TENM4: variants seen among roughly 807,000 people sequenced by gnomAD.
The protein encoded by TENM4 is teneurin-4.
In TENM4, 82 loss-of-function variants were observed where a neutral mutation model predicts 243.3. The ratio of observed to expected loss-of-function variants is 0.34; its 90% CI spans 0.28 to 0.40. The LOEUF is 0.40. Among genes scored for constraint, TENM4 ranks in the 10% least tolerant of loss-of-function variants. TENM4 has a pLI of 1.00. For missense variants in TENM4, 3,138 were observed against 3,673.3 expected, an observed-to-expected ratio of 0.85 and a Z score of 3.77; for synonymous variants, 1,412 against 1,456.3, an observed-to-expected ratio of 0.97 and a Z score of 0.69.
At chr11:79,086,734 T>C (rs191138003) in intron 4 of TENM4, among the ~76,000 whole-genome samples, 178 of 148,742 alleles carry the variant, frequency 1.2e-3, no homozygotes, top group African/African-American at 4.3e-3. Flanking sequence ...CTTGGGAAGC[T>C]GAGGCAGTGG....
At chr11:78,847,274 T>C (rs1230286865) in intron 12 of TENM4, among the ~76,000 whole-genome samples, 2 of 152,210 alleles carry the variant, frequency 1.3e-5, no homozygotes, top group Admixed American at 1.3e-4. Flanking sequence ...GCTTGGTTCC[T>C]GCAGTGTCCT....
chr11:79,042,322 G>A (rs1173495628), intron 6 of TENM4, among the ~76,000 whole-genome samples: 1 of 152,124 alleles, frequency 6.6e-6, no homozygotes, highest in Non-Finnish European at 1.5e-5. Flanking sequence ...ACCCTGCTAT[G>A]GTCTGAATTT....
Position 79,359,875 on chromosome 11 carries a change from G to A in TENM4, c.-320-62332C>T, listed in dbSNP as rs534338370. ...GGCCAGACAGGGATGCTCAGGACCC[G>A]AAGCAGAGGCAGGAAGCTCTGTCAA... On this transcript the variant is annotated intron_variant, in intron 1 of 33. Transcript: ENST00000278550. Among the ~76,000 whole-genome samples the A allele has an allele frequency of 3.8e-4, 58 of 152,274 alleles. 1 individual carries two copies. In the South Asian group the frequency reaches 6.8e-3, roughly 18 times the overall value.
rs1040418454 is a variant in TENM4, at chr11:78,812,329, C to T, written c.1784-13G>A. 7 of 1,548,230 alleles carry T rather than the reference C, an allele frequency of 4.5e-6. No homozygotes were observed. Among genetic ancestry groups the T allele is most frequent in the African/African-American group, 2.7e-5 (2 of 73,112 alleles). ...ACGGGGCAGGAGGCTGGGGAGACAGCACCGGAGTCTGGCATGAATCAATGT... is the reference window on the plus strand; with the variant it reads ...ACGGGGCAGGAGGCTGGGGAGACAGTACCGGAGTCTGGCATGAATCAATGT... On this transcript the variant is annotated splice_polypyrimidine_tract_variant and intron_variant, in intron 13 of 33. Coordinates refer to ENST00000278550, the MANE Select transcript of TENM4 (RefSeq NM_001098816.3).
intron 1 of TENM4, among the ~76,000 whole-genome samples, chr11:79,341,817 C>T (rs537710324): frequency 5.3e-5 from 8 of 152,342 alleles, no homozygotes; most frequent in African/African-American, 1.9e-4. Flanking sequence ...TTCACATTCT[C>T]TATGACATTT....
chr11:78,922,493 T>G (rs1363258697), intron 6 of TENM4, among the ~76,000 whole-genome samples: 1 of 152,174 alleles, frequency 6.6e-6, no homozygotes, highest in Admixed American at 6.5e-5. Flanking sequence ...TTAACTCTTA[T>G]GATAAAATGA....
At chr11:78,914,836 A>G (rs1176886798) in intron 6 of TENM4, among the ~76,000 whole-genome samples, 1 of 152,140 alleles carries the variant, frequency 6.6e-6, no homozygotes, top group Non-Finnish European at 1.5e-5. Flanking sequence ...TACTGCCACT[A>G]CGTTAGCTCA....
chr11:78,769,164 T>C (rs1249936399), intron 18 of TENM4, among the ~76,000 whole-genome samples: 1 of 152,196 alleles, frequency 6.6e-6, no homozygotes, highest in African/African-American at 2.4e-5. Context: ...TATTAGTCAT[T>C]GGAATTGTGC....
At chr11:79,227,765 G>A (rs1864300107) in intron 2 of TENM4, among the ~76,000 whole-genome samples, 2 of 152,218 alleles carry the variant, frequency 1.3e-5, no homozygotes, top group African/African-American at 4.8e-5. Context: ...GATCCTGGCT[G>A]TGACACTTCA....
intron 4 of TENM4, among the ~76,000 whole-genome samples, chr11:79,131,284 A>T (rs1280498007): frequency 6.6e-6 from 1 of 152,178 alleles, no homozygotes; most frequent in Non-Finnish European, 1.5e-5. Flanking sequence ...AGACAGAAAC[A>T]CGAGGTAACC....
chr11:79,245,875 G>T (rs1247904166), intron 2 of TENM4, among the ~76,000 whole-genome samples: 1 of 145,616 alleles, frequency 6.9e-6, no homozygotes, highest in Non-Finnish European at 1.5e-5. Context: ...GGGAAGCGGA[G>T]TTTGCAGTGA....
At chr11:79,377,410 T>G (rs1857913100) in intron 1 of TENM4, among the ~76,000 whole-genome samples, 1 of 152,182 alleles carries the variant, frequency 6.6e-6, no homozygotes, top group East Asian at 1.9e-4. Flanking sequence ...TGAAACTCTC[T>G]CTCTCAGAAC....
chr11:79,268,196 TA>T (rs537176788), intron 2 of TENM4, among the ~76,000 whole-genome samples: 1 of 152,200 alleles, frequency 6.6e-6, no homozygotes, highest in Admixed American at 6.5e-5. Context: ...AACTTTTCCC[TA>T]AAGGGCTGGG....
chr11:79,290,702 C>G (rs1451293978), intron 2 of TENM4, among the ~76,000 whole-genome samples: 1 of 152,124 alleles, frequency 6.6e-6, no homozygotes, highest in Non-Finnish European at 1.5e-5. Flanking sequence ...ACCACCACAA[C>G]AAATGACTGT....
At chr11:78,958,333 C>T (rs534143297) in intron 6 of TENM4, among the ~76,000 whole-genome samples, 2 of 152,286 alleles carry the variant, frequency 1.3e-5, no homozygotes, top group East Asian at 3.9e-4. Flanking sequence ...GAACAATTCA[C>T]GAAACATTTA....
intron 1 of TENM4, among the ~76,000 whole-genome samples, chr11:79,323,420 G>A (rs77240741): frequency 6.6e-6 from 1 of 152,196 alleles, no homozygotes; most frequent in African/African-American, 2.4e-5. Context: ...CTACATATCT[G>A]GTGATAATTC....
At chr11:79,206,315 G>T (rs1590793509) in intron 3 of TENM4, among the ~76,000 whole-genome samples, 1 of 152,220 alleles carries the variant, frequency 6.6e-6, no homozygotes, top group African/African-American at 2.4e-5. Flanking sequence ...CAGGAAAGTG[G>T]CTGCCTGAAC....
chr11:79,086,461 T>C (rs1860812767), intron 4 of TENM4, among the ~76,000 whole-genome samples: 1 of 152,254 alleles, frequency 6.6e-6, no homozygotes, highest in Non-Finnish European at 1.5e-5. Context: ...TAGCAAAGGC[T>C]GGCTGACATA....
intron 6 of TENM4, among the ~76,000 whole-genome samples, chr11:79,014,399 A>G (rs1041518331): frequency 2.0e-5 from 3 of 152,188 alleles, no homozygotes; most frequent in Non-Finnish European, 4.4e-5. Flanking sequence ...CCATTTATCT[A>G]TTAATTTATT....
Sources: allele counts gnomAD v4.1 joint callset (sites outside exome capture counted in the v4.1 genomes callset), GRCh38; gene constraint gnomAD v4.1.1; transcripts MANE v1.5; gene names NCBI Gene and HGNC (gene_info 2026-07-23, HGNC 2026-07-21).